Variants in SGCD observed in about 807,000 individuals in gnomAD.
The protein encoded by SGCD is delta-sarcoglycan.
Under a neutral mutation model 36.6 loss-of-function variants are expected in SGCD, and 18 were observed. The ratio of observed to expected loss-of-function variants is 0.49; its 90% CI spans 0.34 to 0.73. SGCD has a LOEUF of 0.73. Ranked by LOEUF, SGCD falls within the 30% of genes least tolerant of loss-of-function variation. The pLI is 0.01. For missense variants in SGCD, 387 were observed against 346.7 expected, an observed-to-expected ratio of 1.12 and a Z score of -0.92; for synonymous variants, 133 against 130.6, an observed-to-expected ratio of 1.02 and a Z score of -0.12.
intron 3 of SGCD, among the ~76,000 whole-genome samples, chr5:156,205,551 A>G (rs2127638728): frequency 6.6e-6 from 1 of 152,194 alleles, no homozygotes; most frequent in South Asian, 2.1e-4. Context: ...GAAAGGGTAA[A>G]TGGCTATACA....
At chr5:155,810,277 T>C in the SGCD span, among the ~76,000 whole-genome samples, 2 of 152,244 alleles carry the variant, frequency 1.3e-5, no homozygotes, top group East Asian at 3.8e-4. Flanking sequence ...TCTTTCTGAC[T>C]GAAAAGATTT....
At chr5:156,315,508 G>T (rs1243232034) in intron 3 of SGCD, among the ~76,000 whole-genome samples, 4 of 151,906 alleles carry the variant, frequency 2.6e-5, no homozygotes, top group African/African-American at 9.7e-5. Context: ...TATGAATAAT[G>T]CTGCAAAGAA....
chr5:156,514,109 A>G (rs1289299172), intron 4 of SGCD, among the ~76,000 whole-genome samples: 1 of 152,218 alleles, frequency 6.6e-6, no homozygotes, highest in African/African-American at 2.4e-5. Flanking sequence ...AGGAACTACT[A>G]GTAGATAGAA....
rs937048999 is a variant in SGCD, at chr5:155,996,684, CAGA to C, written c.-281-121189_-281-121187del. On this transcript the variant is annotated intron_variant, in intron 1 of 9. Transcript: ENST00000517913. ...ATCTCAGCTACTTGGGAGGTTGAAG[CAGA>C]AGAATCACTTGAACCTGGGAGGCAG... Among the ~76,000 whole-genome samples, 59 of 148,918 alleles carry C rather than the reference CAGA, an allele frequency of 4.0e-4. 1 individual carries two copies. Among genetic ancestry groups the C allele is most frequent in the African/African-American group, 1.4e-3 (58 of 40,162 alleles).
intron 3 of SGCD, among the ~76,000 whole-genome samples, chr5:156,277,534 T>C (rs1488149958): frequency 6.6e-6 from 1 of 152,094 alleles, no homozygotes; most frequent in African/African-American, 2.4e-5. Context: ...TAATAAAACT[T>C]GGGTGAGTAA....
chr5:156,238,041 G>A (rs1304803941), intron 3 of SGCD, among the ~76,000 whole-genome samples: 1 of 150,870 alleles, frequency 6.6e-6, no homozygotes, highest in African/African-American at 2.4e-5. Context: ...TTGAACCCCC[G>A]AGCTCAAGTG....
chr5:155,859,245 T>G, the SGCD span, among the ~76,000 whole-genome samples: 1 of 151,842 alleles, frequency 6.6e-6, no homozygotes, highest in African/African-American at 2.4e-5. Flanking sequence ...ATTATTGTTA[T>G]TTGTAGAGAT....
In SGCD at chr5:156,107,241, T is replaced by C. The variant is rs181464196; in HGVS notation, c.-281-10637T>C. ...TAGGAAACAGGCAGTAGCTACCTCA[T>C]GAGCCCATCAATTTACCTTGGAATA... is the stretch of plus-strand genomic sequence containing the variant. On this transcript the variant is annotated intron_variant, in intron 1 of 9. Transcript: ENST00000517913. Among the ~76,000 whole-genome samples the C allele has an allele frequency of 2.0e-5, 3 of 152,322 alleles. No homozygotes were observed. The East Asian group carries it at 5.8e-4, about 29-fold the overall frequency.
At chr5:156,712,951 GTC>G (rs1354785292) in intron 7 of SGCD, among the ~76,000 whole-genome samples, 1 of 152,138 alleles carries the variant, frequency 6.6e-6, no homozygotes, top group African/African-American at 2.4e-5. Context: ...GCTTATTCAT[GTC>G]TCTCTTGCCA....
intron 7 of SGCD, among the ~76,000 whole-genome samples, chr5:156,651,352 A>G (rs1041691176): frequency 1.3e-5 from 2 of 151,970 alleles, no homozygotes; most frequent in East Asian, 1.9e-4. Flanking sequence ...GCTTTTGAGG[A>G]CTTAGTCATA....
intron 1 of SGCD, among the ~76,000 whole-genome samples, chr5:155,954,086 A>G (rs1381657774): frequency 1.3e-5 from 2 of 152,286 alleles, no homozygotes; most frequent in South Asian, 2.1e-4. Flanking sequence ...TCAAACTAAG[A>G]CCAAAAATCT....
chr5:156,285,805 A>G (rs899585856), intron 3 of SGCD, among the ~76,000 whole-genome samples: 27 of 152,162 alleles, frequency 1.8e-4, no homozygotes, highest in Non-Finnish European at 3.5e-4. Context: ...AATGGCAACA[A>G]AAGCCAAAAT....
intron 1 of SGCD, among the ~76,000 whole-genome samples, chr5:156,095,840 C>G (rs1581096689): frequency 6.6e-6 from 1 of 152,268 alleles, no homozygotes; most frequent in East Asian, 1.9e-4. Flanking sequence ...GAACAAAGCT[C>G]AGGTGGTGCC....
intron 3 of SGCD, among the ~76,000 whole-genome samples, chr5:156,356,926 C>T (rs1202038414): frequency 6.6e-6 from 1 of 152,116 alleles, no homozygotes; most frequent in African/African-American, 2.4e-5. Context: ...AGTTGATAGC[C>T]ACTAGAATTG....
At chr5:156,095,167 ACTTTGCACAAC>A (rs113711629) in intron 1 of SGCD, among the ~76,000 whole-genome samples, 3,988 of 152,232 alleles carry the variant, frequency 0.026, 168 homozygotes, top group African/African-American at 0.09. Flanking sequence ...GATCAGTCTG[ACTTTGCACAAC>A]CTGTGTAAAA....
the SGCD span, among the ~76,000 whole-genome samples, chr5:155,791,407 G>T: frequency 2.4e-4 from 37 of 152,254 alleles, no homozygotes; most frequent in Middle Eastern, 3.4e-3. Flanking sequence ...GGAAGTCCTA[G>T]CCTGAGCAGT....
the SGCD span, among the ~76,000 whole-genome samples, chr5:155,836,595 C>G: frequency 4.6e-5 from 7 of 151,990 alleles, no homozygotes; most frequent in African/African-American, 1.7e-4. Flanking sequence ...GGCAGCTCTG[C>G]TCTCAAGCCC....
At chr5:155,991,790 CAAT>C (rs1411859992) in intron 1 of SGCD, among the ~76,000 whole-genome samples, 2 of 152,152 alleles carry the variant, frequency 1.3e-5, no homozygotes, top group African/African-American at 4.8e-5. Flanking sequence ...ACTCAAGTCT[CAAT>C]AACCCGTAAC....
intron 1 of SGCD, among the ~76,000 whole-genome samples, chr5:155,975,863 C>T (rs532912154): frequency 2.6e-5 from 4 of 151,942 alleles, no homozygotes; most frequent in Admixed American, 2.6e-4. Context: ...CTCCTGACCT[C>T]AGGTGATCTG....
Sources: gnomAD v4.1 joint callset for allele counts (sites outside exome capture counted in the v4.1 genomes callset) on GRCh38, gnomAD v4.1.1 for gene constraint, MANE v1.5 for transcripts, NCBI Gene and HGNC (gene_info 2026-07-23, HGNC 2026-07-21) for gene names.